The following GPM6A variants were observed in gnomAD, a reference collection of about 807,000 sequenced individuals.
GPM6A encodes glycoprotein M6A.
In GPM6A, 7 loss-of-function variants were observed where a neutral mutation model predicts 32.1. The observed-to-expected ratio is 0.22, with a 90% CI of 0.12 to 0.41. The LOEUF (loss-of-function observed/expected upper bound fraction) is 0.41, where lower values mean the gene tolerates loss of function less well. GPM6A is among the 10% of genes least tolerant of loss of function. The probability of loss-of-function intolerance (pLI) is 1.00; values close to 1 mark genes in which losing one functional copy is unlikely to be tolerated. For missense variants in GPM6A, 235 were observed against 347.2 expected, an observed-to-expected ratio of 0.68 and a Z score of 2.57; for synonymous variants, 130 against 123.4, an observed-to-expected ratio of 1.05 and a Z score of -0.35.
intron 1 of GPM6A, among the ~76,000 whole-genome samples, chr4:175,799,957 C>A (rs1284778017): frequency 6.6e-6 from 1 of 151,802 alleles, no homozygotes; most frequent in East Asian, 1.9e-4. Flanking sequence ...GATAAGGATA[C>A]AATTCAGATA....
Position 175,801,968 on chromosome 4 carries a change from T to C in GPM6A, c.37+10223A>G, listed in dbSNP as rs140829038. On this transcript the variant is annotated intron_variant, in intron 1 of 6. Transcript: ENST00000393658. ...TGTATCATAAATCAGTAGCTCCTTT[T>C]AGACCTTTGGTAAGCATACTACACT... Among the ~76,000 whole-genome samples, 11 of 152,178 alleles carry C rather than the reference T, an allele frequency of 7.2e-5. No homozygotes were observed. The East Asian group carries it at 2.1e-3, about 29-fold the overall frequency.
intron 1 of GPM6A, among the ~76,000 whole-genome samples, chr4:175,713,290 C>T (rs1174834781): frequency 6.6e-6 from 1 of 152,142 alleles, no homozygotes; most frequent in Non-Finnish European, 1.5e-5. Flanking sequence ...GCAACCTCTG[C>T]CTCCCGATTT....
intron 3 of GPM6A, among the ~76,000 whole-genome samples, chr4:175,662,532 G>A (rs747260640): frequency 3.9e-5 from 6 of 151,900 alleles, no homozygotes; most frequent in Non-Finnish European, 5.9e-5. Flanking sequence ...CCTGGGAGGC[G>A]GAGATTGCAG....
intron 1 of GPM6A, among the ~76,000 whole-genome samples, chr4:175,810,554 C>T (rs890485768): frequency 2.0e-5 from 3 of 152,162 alleles, no homozygotes; most frequent in African/African-American, 7.2e-5. Context: ...CAACTAATTA[C>T]ATCATTTTTC....
At chr4:175,827,758 G>A (rs1560954080) in intron 1 of GPM6A, among the ~76,000 whole-genome samples, 1 of 152,146 alleles carries the variant, frequency 6.6e-6, no homozygotes, top group Non-Finnish European at 1.5e-5. Context: ...ACCTCTTTAA[G>A]GTTCTGTTTC....
intron 1 of GPM6A, among the ~76,000 whole-genome samples, chr4:175,900,607 AAAGATAGGCAATAAC>A (rs1395309357): frequency 1.3e-5 from 2 of 152,198 alleles, no homozygotes; most frequent in Non-Finnish European, 2.9e-5. Flanking sequence ...CTTTTATCCA[AAAGATAGGCAATAAC>A]AAATGCTGGC....
intron 1 of GPM6A, among the ~76,000 whole-genome samples, chr4:175,707,218 C>G (rs1195020383): frequency 6.6e-6 from 1 of 152,236 alleles, no homozygotes; most frequent in East Asian, 1.9e-4. Context: ...TCACCTTGCT[C>G]TATGGGCTTG....
At chr4:175,966,448 A>T (rs1019719331) in intron 1 of GPM6A, among the ~76,000 whole-genome samples, 2 of 149,104 alleles carry the variant, frequency 1.3e-5, no homozygotes, top group African/African-American at 4.9e-5. Context: ...TCAAAATATT[A>T]TATATATATA....
chr4:175,692,193 G>A (rs1350936628), intron 2 of GPM6A, among the ~76,000 whole-genome samples: 1 of 152,042 alleles, frequency 6.6e-6, no homozygotes, highest in Non-Finnish European at 1.5e-5. Flanking sequence ...AAAACAGCAT[G>A]GCAATAATGA....
chr4:175,735,563 CTT>C (rs754424931), intron 1 of GPM6A, among the ~76,000 whole-genome samples: 16 of 143,552 alleles, frequency 1.1e-4, no homozygotes, highest in Admixed American at 2.1e-4. Flanking sequence ...ATTTATGAAT[CTT>C]TTTTTTTTTT....
intron 1 of GPM6A, among the ~76,000 whole-genome samples, chr4:175,734,969 A>G (rs1413256717): frequency 1.3e-5 from 2 of 152,236 alleles, no homozygotes; most frequent in African/African-American, 4.8e-5. Flanking sequence ...AGTGTTTTCC[A>G]ATAAGACAAT....
At chr4:175,840,499 G>A (rs933686039) in intron 1 of GPM6A, among the ~76,000 whole-genome samples, 4 of 152,110 alleles carry the variant, frequency 2.6e-5, no homozygotes, top group Admixed American at 6.6e-5. Flanking sequence ...CTAACATGGC[G>A]AAACATCTTT....
chr4:175,860,901 C>T (rs1391839627), intron 1 of GPM6A, among the ~76,000 whole-genome samples: 1 of 152,078 alleles, frequency 6.6e-6, no homozygotes, highest in East Asian at 1.9e-4. Flanking sequence ...ATGTGTAAAG[C>T]ATATGGTGAA....
At chr4:175,716,264 C>G (rs1294532609) in intron 1 of GPM6A, among the ~76,000 whole-genome samples, 1 of 152,100 alleles carries the variant, frequency 6.6e-6, no homozygotes, top group African/African-American at 2.4e-5. Flanking sequence ...AGAGAAATAT[C>G]AGAATCATGA....
intron 1 of GPM6A, among the ~76,000 whole-genome samples, chr4:175,777,389 A>G (rs1398154499): frequency 6.6e-6 from 1 of 152,104 alleles, no homozygotes; most frequent in Non-Finnish European, 1.5e-5. Flanking sequence ...AAAAAATTAC[A>G]TATCTTAGTC....
At chr4:175,984,247 CT>C (rs1254321061) in intron 1 of GPM6A, among the ~76,000 whole-genome samples, 1 of 152,180 alleles carries the variant, frequency 6.6e-6, no homozygotes, top group African/African-American at 2.4e-5. Context: ...ACTGCAACCT[CT>C]GCCTCCCAGG....
chr4:175,799,031 T>C (rs1344588502), intron 1 of GPM6A, among the ~76,000 whole-genome samples: 1 of 152,206 alleles, frequency 6.6e-6, no homozygotes, highest in Non-Finnish European at 1.5e-5. Flanking sequence ...GCTTGATACG[T>C]AGTGCTTAAA....
intron 2 of GPM6A, among the ~76,000 whole-genome samples, chr4:175,689,963 G>A (rs1357995437): frequency 1.3e-5 from 2 of 152,178 alleles, no homozygotes; most frequent in Non-Finnish European, 2.9e-5. Context: ...GCTGAGGTGA[G>A]CTAGCTTGGA....
chr4:175,918,629 G>T (rs1738570633), intron 1 of GPM6A, among the ~76,000 whole-genome samples: 1 of 152,272 alleles, frequency 6.6e-6, no homozygotes, highest in African/African-American at 2.4e-5. Flanking sequence ...CATTTCCTTA[G>T]TCTAAGATCT....
Sources: gnomAD v4.1 joint callset for allele counts (sites outside exome capture counted in the v4.1 genomes callset) on GRCh38, gnomAD v4.1.1 for gene constraint, MANE v1.5 for transcripts, NCBI Gene and HGNC (gene_info 2026-07-23, HGNC 2026-07-21) for gene names.